The following PTPRG variants were observed in gnomAD, a reference collection of about 807,000 sequenced individuals.
PTPRG encodes the protein protein tyrosine phosphatase receptor type G, also known as receptor-type tyrosine-protein phosphatase gamma.
Under a neutral mutation model 165.3 loss-of-function variants are expected in PTPRG, and 102 were observed. The ratio of observed to expected loss-of-function variants is 0.62; its 90% confidence interval spans 0.53 to 0.73. The LOEUF is 0.73. PTPRG is among the 30% of genes least tolerant of loss of function. PTPRG has a pLI of 0.00. For missense variants in PTPRG, 1,866 were observed against 1,861.4 expected (o/e 1.00, Z -0.05); for synonymous variants, 675 against 669.5 (o/e 1.01, Z -0.13).
intron 6 of PTPRG, among the ~76,000 whole-genome samples, chr3:62,142,890 C>G (rs138198439): frequency 2.7e-4 from 41 of 152,328 alleles, no homozygotes; most frequent in African/African-American, 9.1e-4. Context: ...GGGATCACTG[C>G]ATATTCCAGA....
At chr3:61,762,790 T>A (rs2033896177) in intron 2 of PTPRG, among the ~76,000 whole-genome samples, 1 of 152,076 alleles carries the variant, frequency 6.6e-6, no homozygotes, top group South Asian at 2.1e-4. Flanking sequence ...TTTATCGCCT[T>A]ACATAGCACA....
At chr3:61,954,749 T>C (rs980912204) in intron 2 of PTPRG, among the ~76,000 whole-genome samples, 1 of 152,162 alleles carries the variant, frequency 6.6e-6, no homozygotes, top group African/African-American at 2.4e-5. Context: ...AGTGGTCCAC[T>C]GGAAATGTTT....
At chr3:61,632,011 A>G (rs1996520) in intron 1 of PTPRG, among the ~76,000 whole-genome samples, 72,562 of 152,044 alleles carry the variant, frequency 0.48, 17,876 homozygotes, top group African/African-American at 0.6. Flanking sequence ...TTTCGGTCAA[A>G]AATCTATAGT....
chr3:62,115,471 A>G (rs551425510), intron 5 of PTPRG, among the ~76,000 whole-genome samples: 249 of 152,304 alleles, frequency 1.6e-3, no homozygotes, highest in African/African-American at 5.5e-3. Context: ...GTAATGGAGG[A>G]AAGACCGTGA....
At chr3:62,159,059 T>A (rs1425726070) in intron 7 of PTPRG, among the ~76,000 whole-genome samples, 2 of 152,168 alleles carry the variant, frequency 1.3e-5, no homozygotes, top group Non-Finnish European at 2.9e-5. Context: ...GCTCAGTGGC[T>A]CATGCCTATA....
chr3:61,943,290 C>G (rs1407145196), intron 2 of PTPRG, among the ~76,000 whole-genome samples: 1 of 152,084 alleles, frequency 6.6e-6, no homozygotes, highest in East Asian at 1.9e-4. Context: ...AAAATGCTGA[C>G]AAAAATACAT....
At chr3:61,754,253 T>G (rs2033556380) in intron 2 of PTPRG, among the ~76,000 whole-genome samples, 2 of 152,142 alleles carry the variant, frequency 1.3e-5, no homozygotes, top group Non-Finnish European at 2.9e-5. Flanking sequence ...TGTCCTGGGA[T>G]TTGAGGAATT....
intron 1 of PTPRG, among the ~76,000 whole-genome samples, chr3:61,621,759 T>C (rs752845528): frequency 1.3e-5 from 2 of 152,198 alleles, no homozygotes; most frequent in African/African-American, 2.4e-5. Context: ...TCAATAGATA[T>C]GTCCCTTCAT....
At chr3:62,196,149 C>A (rs965857278) in intron 10 of PTPRG, among the ~76,000 whole-genome samples, 2 of 151,490 alleles carry the variant, frequency 1.3e-5, no homozygotes, top group African/African-American at 4.8e-5. Flanking sequence ...GTTATCCCAG[C>A]ACTTTGGGAG....
At chr3:61,587,149 T>C (rs1434249575) in intron 1 of PTPRG, among the ~76,000 whole-genome samples, 1 of 152,244 alleles carries the variant, frequency 6.6e-6, no homozygotes, top group Non-Finnish European at 1.5e-5. Context: ...CCCTACATTA[T>C]TGTGTAAAAT....
At chr3:62,013,226 C>T (rs2041467975) in intron 4 of PTPRG, among the ~76,000 whole-genome samples, 1 of 152,046 alleles carries the variant, frequency 6.6e-6, no homozygotes, top group Admixed American at 6.6e-5. Context: ...AGACATAGTA[C>T]ATTCTATTTT....
chr3:62,115,104 A>T (rs1702812611), intron 5 of PTPRG, among the ~76,000 whole-genome samples: 1 of 152,194 alleles, frequency 6.6e-6, no homozygotes, highest in South Asian at 2.1e-4. Flanking sequence ...AGAAAAATAG[A>T]GATTTTCAGA....
intron 1 of PTPRG, among the ~76,000 whole-genome samples, chr3:61,626,667 A>T (rs909604519): frequency 1.3e-5 from 2 of 152,210 alleles, no homozygotes; most frequent in African/African-American, 4.8e-5. Context: ...ATTGCTGCAC[A>T]CATCCTGCTG....
intron 2 of PTPRG, among the ~76,000 whole-genome samples, chr3:61,760,173 G>A (rs1047107193): frequency 5.3e-5 from 8 of 152,088 alleles, no homozygotes; most frequent in African/African-American, 1.9e-4. Context: ...CTCTTGTTTT[G>A]TGCCATATAA....
At chr3:62,280,421 C>G (rs1702390875) in intron 26 of PTPRG, among the ~76,000 whole-genome samples, 1 of 151,886 alleles carries the variant, frequency 6.6e-6, no homozygotes, top group South Asian at 2.1e-4. Context: ...GGCAAAAGAC[C>G]TGAATAGACA....
At chr3:61,991,770 C>CTGATA (rs1200952569) in intron 3 of PTPRG, among the ~76,000 whole-genome samples, 1 of 152,220 alleles carries the variant, frequency 6.6e-6, no homozygotes, top group Non-Finnish European at 1.5e-5. Flanking sequence ...ACTGGGCTCT[C>CTGATA]TGATACGGTT....
chr3:61,806,840 G>C (rs1428528785), intron 2 of PTPRG, among the ~76,000 whole-genome samples: 1 of 152,080 alleles, frequency 6.6e-6, no homozygotes. Context: ...AAATGAACTG[G>C]GATGGAAATT....
intron 1 of PTPRG, among the ~76,000 whole-genome samples, chr3:61,726,647 T>A (rs1341986911): frequency 1.3e-5 from 2 of 152,202 alleles, no homozygotes; most frequent in Admixed American, 6.5e-5. Flanking sequence ...TGCCTGAAGT[T>A]TTGCCATTAA....
rs944229904 is a variant in PTPRG, at chr3:62,222,322, G to A, written c.2288+3339G>A. On this transcript the variant is annotated intron_variant, in intron 13 of 29. Transcript: ENST00000474889. The surrounding 1 kb of genome is among the most constrained non-coding windows in gnomAD (Gnocchi z 4.5). ...TTGGTCTGTCTGTGTTTCTCTTGCC[G>A]TCAGTTTCTGGGATTTGCTGTCTGT... Among the ~76,000 whole-genome samples, 4 of 152,180 alleles carry A rather than the reference G, an allele frequency of 2.6e-5. No homozygotes were observed. The highest frequency in any genetic ancestry group is 4.8e-5 in the African/African-American group (2 of 41,440).
Sources: gnomAD v4.1 joint callset for allele counts (sites outside exome capture counted in the v4.1 genomes callset) on GRCh38, gnomAD v4.1.1 for gene constraint, Gnocchi (gnomAD v3.1) non-coding constraint, MANE v1.5 for transcripts, NCBI Gene and HGNC (gene_info 2026-07-23, HGNC 2026-07-21) for gene names.